KCNQ4: variants seen among roughly 807,000 people sequenced by gnomAD.
KCNQ4 encodes potassium voltage-gated channel subfamily Q member 4.
A neutral mutation model predicts 72.6 loss-of-function variants in KCNQ4; 31 were observed. The observed-to-expected ratio is 0.43, with a 90% CI of 0.32 to 0.58. The LOEUF is 0.58. KCNQ4 is among the 20% of genes least tolerant of loss of function. KCNQ4 has a pLI of 0.08. For missense variants in KCNQ4, 869 were observed against 962.6 expected (o/e 0.90, Z 1.29); for synonymous variants, 405 against 403.7 (o/e 1.00, Z -0.04).
At chr1:40,797,517 G>A (rs1050516870) in intron 1 of KCNQ4, among the ~76,000 whole-genome samples, 4 of 152,182 alleles carry the variant, frequency 2.6e-5, no homozygotes, top group South Asian at 2.1e-4. Context: ...TGAGGACACC[G>A]GGCTGGGGAG....
intron 11 of KCNQ4, among the ~76,000 whole-genome samples, chr1:40,833,436 G>A (rs1384771363): frequency 6.6e-6 from 1 of 152,016 alleles, no homozygotes; most frequent in Non-Finnish European, 1.5e-5. Context: ...TTTTATGGTG[G>A]GTCTTGGTCA....
Position 40,784,422 on chromosome 1 carries a change from C to T in KCNQ4, c.314+15C>T, listed in dbSNP as rs1290419988. 1 of 1,604,310 alleles carries T rather than the reference C, an allele frequency of 6.2e-7. No homozygotes were observed. Among genetic ancestry groups the T allele is most frequent in the Non-Finnish European group, 8.5e-7 (1 of 1,177,836 alleles). On this transcript the variant is annotated intron_variant, in intron 1 of 13. Transcript: ENST00000347132. This position sits in a 1 kb window ranked among gnomAD's most constrained non-coding sequence, Gnocchi z 4.1. The stretch of plus-strand genomic sequence containing the variant: ...CACGTCTTCATGTGAGTTTGCGACC[C>T]CGCGCCCTTCCGCGTTTCCCCGCGC...
At position 40,817,419 on chromosome 1, in the gene KCNQ4, C is replaced by T. The variant is rs1295458385; in HGVS notation, c.405+64C>T. ...AGGTAGCACCTCTGGGCTGGGAGTCCGGGACTGAGGGGGGCTGTGTGAGGT... is the reference window on the plus strand; with the variant it reads ...AGGTAGCACCTCTGGGCTGGGAGTCTGGGACTGAGGGGGGCTGTGTGAGGT... On this transcript the variant is annotated intron_variant, in intron 2 of 13. Transcript: ENST00000347132. The surrounding 1 kb of genome is among the most constrained non-coding windows in gnomAD (Gnocchi z 5.5). The T allele has an allele frequency of 3.1e-6, 4 of 1,281,664 alleles. No homozygotes were observed. The highest frequency in any genetic ancestry group is 4.4e-6 in the Non-Finnish European group (4 of 902,518). 79.4% of individuals were successfully genotyped at this position (1,281,664 alleles called of 1,614,324 possible).
Position 40,835,025 on chromosome 1 carries a change from G to C in KCNQ4, c.1672G>C (p.Val558Leu), listed in dbSNP as rs746765804. Reference sequence around the variant, plus strand: ...CAAGGAGACACTGCGACCGTACGACGTGAAGGACGTCATTGAGCAGTACTC... The same window carrying C: ...CAAGGAGACACTGCGACCGTACGACCTGAAGGACGTCATTGAGCAGTACTC... ...KFKETLRPYD[V>L]KDVIEQYSAG... The change falls in exon 12 of 14, where the codon GTG (valine) becomes CTG (leucine). Residue 558 changes from valine (V) to leucine (L), a missense_variant. Physicochemically the swap from Val to Leu is conservative, Grantham distance 32. Transcript: ENST00000347132. 1.2e-6 allele frequency: 2 copies of C among 1,614,078 alleles called. No individual in the cohort carries two copies. Among genetic ancestry groups the C allele is most frequent in the Non-Finnish European group, 1.7e-6 (2 of 1,179,952 alleles).
intron 12 of KCNQ4, among the ~76,000 whole-genome samples, chr1:40,837,009 A>G (rs1050493800): frequency 1.3e-5 from 2 of 152,092 alleles, no homozygotes; most frequent in African/African-American, 4.8e-5. Flanking sequence ...CACCCACCTT[A>G]AAAGTCACAT....
intron 1 of KCNQ4, among the ~76,000 whole-genome samples, chr1:40,791,166 G>A (rs1647275642): frequency 1.3e-5 from 2 of 152,134 alleles, no homozygotes; most frequent in East Asian, 1.9e-4. Flanking sequence ...CTGGGAAGGT[G>A]TCCACCCCCA....
chr1:40,811,960 T>A (rs2149034), intron 1 of KCNQ4, among the ~76,000 whole-genome samples: 89,280 of 152,120 alleles, frequency 0.59, 26,794 homozygotes, highest in Middle Eastern at 0.67. Context: ...AAGTCCTTTG[T>A]TGGATGAATG....
At chr1:40,806,466 A>G (rs1408698979) in intron 1 of KCNQ4, among the ~76,000 whole-genome samples, 3 of 152,214 alleles carry the variant, frequency 2.0e-5, no homozygotes, top group Non-Finnish European at 2.9e-5. Context: ...GCAGGCTGGC[A>G]CGGCAGAAGG....
intron 1 of KCNQ4, among the ~76,000 whole-genome samples, chr1:40,816,292 G>A (rs1228037908): frequency 6.6e-6 from 1 of 152,124 alleles, no homozygotes; most frequent in African/African-American, 2.4e-5. Context: ...GGGTGCTCCT[G>A]GAGGCCACCT....
At chr1:40,793,908 C>T (rs1647338637) in intron 1 of KCNQ4, among the ~76,000 whole-genome samples, 1 of 152,182 alleles carries the variant, frequency 6.6e-6, no homozygotes, top group Non-Finnish European at 1.5e-5. Flanking sequence ...GTTCTGTTCA[C>T]CCAGCCCTGT....
chr1:40,793,038 A>C (rs1570801641), intron 1 of KCNQ4, among the ~76,000 whole-genome samples: 2 of 115,234 alleles, frequency 1.7e-5, no homozygotes, highest in African/African-American at 3.5e-5. Flanking sequence ...GCAGGGCCTC[A>C]CTCTGTCACC....
intron 1 of KCNQ4, among the ~76,000 whole-genome samples, chr1:40,785,323 C>T (rs1222819604): frequency 1.3e-5 from 2 of 152,222 alleles, no homozygotes; most frequent in Admixed American, 1.3e-4. Flanking sequence ...AGAGGCCCCG[C>T]AGATATCAGT....
At chr1:40,832,154 C>T (rs909934784) in intron 10 of KCNQ4, among the ~76,000 whole-genome samples, 8 of 152,214 alleles carry the variant, frequency 5.3e-5, no homozygotes, top group Non-Finnish European at 4.4e-5. Flanking sequence ...TGGACCAAGC[C>T]CCCTGGAAGA....
intron 7 of KCNQ4, among the ~76,000 whole-genome samples, chr1:40,821,863 G>A (rs1258349179): frequency 1.3e-5 from 2 of 152,178 alleles, no homozygotes; most frequent in African/African-American, 2.4e-5. Context: ...CTGGCATGAA[G>A]TGCCTACTAT....
intron 1 of KCNQ4, among the ~76,000 whole-genome samples, chr1:40,812,394 C>A (rs979618964): frequency 6.6e-6 from 1 of 152,074 alleles, no homozygotes; most frequent in South Asian, 2.1e-4. Flanking sequence ...GTAGCTGGGA[C>A]CACAGATGCA....
At position 40,837,783 on chromosome 1, in the gene KCNQ4, G is replaced by T. The variant is rs1426047424; in HGVS notation, c.1864G>T (p.Val622Leu). Reference sequence around the variant, plus strand: ...CAGCATGATGGGACGCGTGGTCAAGGTGGAGAAGCAGGTGAGTGTAGGATG... The same window carrying T: ...CAGCATGATGGGACGCGTGGTCAAGTTGGAGAAGCAGGTGAGTGTAGGATG... Reference protein sequence around the residue: ...EISMMGRVVKVEKQVQSIEHK... With the variant: ...EISMMGRVVKLEKQVQSIEHK... Residue 622 changes from valine (V) to leucine (L), a missense_variant, in exon 13 of 14, where the codon GTG becomes TTG. Val to Leu is a conservative substitution (Grantham distance 32). This residue lies in a region of KCNQ4 where 480 missense variants were observed against 501.9 expected (regional missense o/e 0.96). Coordinates refer to ENST00000347132, the MANE Select transcript of KCNQ4 (RefSeq NM_004700.4). 1 of 1,609,182 alleles carries T rather than the reference G, an allele frequency of 6.2e-7. No homozygotes were observed. The highest frequency in any genetic ancestry group is 8.5e-7 in the Non-Finnish European group (1 of 1,178,142).
rs1209592600 is a variant in KCNQ4, at chr1:40,788,798, C to T, written c.314+4391C>T. On this transcript the variant is annotated intron_variant, in intron 1 of 13. Transcript: ENST00000347132. This position sits in a 1 kb window ranked among gnomAD's most constrained non-coding sequence, Gnocchi z 4.5. ...GGAATTGAGTGGAAACTGCCAGCCT[C>T]ACCCAGTGCAGCCACGTTTTAGTTG... 6.6e-6 allele frequency among the ~76,000 whole-genome samples: 1 copy of T among 152,224 alleles called. No homozygotes were observed. The highest frequency in any genetic ancestry group is 1.5e-5 in the Non-Finnish European group (1 of 68,040).
At chr1:40,820,088 G>A in intron 6 of KCNQ4, 77 bp from the exon 7 acceptor site, 1 of 1,528,496 alleles carries the variant, frequency 6.5e-7, no homozygotes. Context: ...AGAGGGGCAA[G>A]GATGGGGACA....
intron 1 of KCNQ4, among the ~76,000 whole-genome samples, chr1:40,790,277 T>C (rs574824707): frequency 5.9e-5 from 9 of 152,364 alleles, no homozygotes; most frequent in African/African-American, 2.2e-4. Flanking sequence ...CTGGATGAGA[T>C]AAGGCACCGA....
Sources: gnomAD v4.1 joint callset for allele counts (sites outside exome capture counted in the v4.1 genomes callset) on GRCh38, gnomAD v4.1.1 for gene constraint, gnomAD v4.1.1 regional missense constraint, Gnocchi (gnomAD v3.1) non-coding constraint, MANE v1.5 for transcripts, NCBI Gene and HGNC (gene_info 2026-07-23, HGNC 2026-07-21) for gene names.